Variants in ALPK2 observed in about 807,000 individuals in gnomAD.
The protein encoded by ALPK2 is alpha kinase 2.
In ALPK2, 127 loss-of-function variants were observed where a neutral mutation model predicts 163.1. That is an observed-to-expected ratio of 0.78 (90% CI 0.67 to 0.90). ALPK2 has a LOEUF of 0.90. Ranked by LOEUF, ALPK2 falls within the 40% of genes least tolerant of loss-of-function variation. ALPK2 has a pLI of 0.00. For missense variants in ALPK2, 2,360 were observed against 2,589.6 expected (o/e 0.91, Z 1.92); for synonymous variants, 953 against 959.1 (o/e 0.99, Z 0.12).
intron 10 of ALPK2, among the ~76,000 whole-genome samples, chr18:58,509,442 C>T (rs1332769870): frequency 6.6e-6 from 1 of 152,034 alleles, no homozygotes; most frequent in Non-Finnish European, 1.5e-5. Context: ...AGTTCTAGAT[C>T]CCTGAGGAAT....
At chr18:58,618,976 C>G (rs2052184555) in intron 1 of ALPK2, among the ~76,000 whole-genome samples, 1 of 152,210 alleles carries the variant, frequency 6.6e-6, no homozygotes. Context: ...TCAGCGGGGA[C>G]AGGAGGGATT....
chr18:58,534,991 C>A lies in ALPK2; in HGVS notation c.5196G>T (p.Leu1732Phe), dbSNP rs2051635580. 6.2e-7 allele frequency: 1 copy of A among 1,614,152 alleles called. No homozygotes were observed. Among genetic ancestry groups the A allele is most frequent in the Non-Finnish European group, 8.5e-7 (1 of 1,180,004 alleles). The part of the protein sequence containing the change: ...HLAEGVKKKI[L>F]SRVAALRLKL... ...TCAGCCTCAGTGCTGCCACCCTGGACAAAATTTTCTTCTTTACTCCCTCAG... is the reference window on the plus strand; with the variant it reads ...TCAGCCTCAGTGCTGCCACCCTGGAAAAAATTTTCTTCTTTACTCCCTCAG... Residue 1732 changes from leucine to phenylalanine, a missense_variant, in exon 5 of 13, where the codon TTG (leucine) becomes TTT (phenylalanine). Leu to Phe is a conservative substitution (Grantham distance 22, BLOSUM62 0). Transcript: ENST00000361673.
At chr18:58,512,105 T>A (rs1048829318) in intron 10 of ALPK2, 6 of 152,220 alleles carry the variant, frequency 3.9e-5, no homozygotes, top group African/African-American at 1.4e-4. Flanking sequence ...CTGTCGTGCT[T>A]TGTCACTTCT....
chr18:58,585,595 T>C (rs1002766916), intron 3 of ALPK2, among the ~76,000 whole-genome samples: 2 of 151,964 alleles, frequency 1.3e-5, no homozygotes, highest in African/African-American at 2.4e-5. Context: ...ATTTGATATA[T>C]ACGAAGATTA....
At chr18:58,486,908 T>A (rs1294219584) in intron 12 of ALPK2, among the ~76,000 whole-genome samples, 1 of 152,216 alleles carries the variant, frequency 6.6e-6, no homozygotes, top group Non-Finnish European at 1.5e-5. Context: ...CATCAAGCTC[T>A]CCTCTACCCA....
chr18:58,599,329 G>A (rs1354400733), intron 3 of ALPK2, among the ~76,000 whole-genome samples: 2 of 152,198 alleles, frequency 1.3e-5, no homozygotes, highest in East Asian at 3.8e-4. Flanking sequence ...TCATGGCCCT[G>A]ATGCGTGCCT....
Position 58,551,182 on chromosome 18 carries a change from C to A in ALPK2, c.1963-12958G>T, listed in dbSNP as rs115494614. On this transcript the variant is annotated intron_variant, in intron 4 of 12. Coordinates refer to ENST00000361673, the MANE Select transcript of ALPK2 (RefSeq NM_052947.4). ...CACTATTGGCAACTGTACCTGTTTC[C>A]TAGGGCTGCAAATGACCACAAACTG... is the stretch of plus-strand genomic sequence containing the variant. Among the ~76,000 whole-genome samples the A allele has an allele frequency of 2.9e-3, 441 of 152,096 alleles. 3 individuals carry two copies. Among genetic ancestry groups the A allele is most frequent in the African/African-American group, 0.01 (420 of 41,482 alleles).
In ALPK2 at chr18:58,579,974, T is replaced by G; in HGVS notation, c.802A>C (p.Lys268Gln). The G allele has an allele frequency of 1.2e-6, 2 of 1,614,204 alleles. No homozygotes were observed. The highest frequency in any genetic ancestry group is 1.7e-6 in the Non-Finnish European group (2 of 1,180,034). Residue 268 changes from lysine to glutamine, a missense_variant, in exon 4 of 13, where the codon AAA becomes CAA. Lys to Gln is a moderately conservative substitution (Grantham distance 53). Coordinates refer to ENST00000361673, the MANE Select transcript of ALPK2 (RefSeq NM_052947.4). ...AGCGGGAGGCTGAAGCTAATGTATTTCTGTACTTTGGGATTTTGCTGACTA... is the reference window on the plus strand; with the variant it reads ...AGCGGGAGGCTGAAGCTAATGTATTGCTGTACTTTGGGATTTTGCTGACTA... ...RSSQQNPKVQ[K>Q]YISFSLPLSE...
intron 8 of ALPK2, among the ~76,000 whole-genome samples, chr18:58,523,116 A>G (rs914454847): frequency 2.5e-5 from 3 of 119,338 alleles, no homozygotes; most frequent in Admixed American, 2.2e-4. Context: ...TCCTGTGTCC[A>G]TGTGTTCTCA....
intron 4 of ALPK2, among the ~76,000 whole-genome samples, chr18:58,556,113 C>A (rs7230331): frequency 2.0e-5 from 3 of 152,170 alleles, no homozygotes; most frequent in African/African-American, 7.2e-5. Context: ...TGAGCCACCA[C>A]GCCCAGCCTT....
chr18:58,588,416 T>A (rs971977129), intron 3 of ALPK2, among the ~76,000 whole-genome samples: 3 of 152,208 alleles, frequency 2.0e-5, no homozygotes, highest in Admixed American at 6.5e-5. Flanking sequence ...AATTTTTTTT[T>A]AATTTTTATT....
chr18:58,515,831 T>G (rs1019839531), intron 9 of ALPK2, among the ~76,000 whole-genome samples: 8 of 152,228 alleles, frequency 5.3e-5, no homozygotes, highest in African/African-American at 1.9e-4. Context: ...TTTAATTGTT[T>G]TAGATGTTTA....
intron 6 of ALPK2, among the ~76,000 whole-genome samples, chr18:58,525,967 GAA>G (rs10653750): frequency 4.2e-4 from 50 of 117,714 alleles, no homozygotes; most frequent in African/African-American, 1.4e-3. Flanking sequence ...TGATGAAAAA[GAA>G]AAAAAAAAAA....
intron 1 of ALPK2, among the ~76,000 whole-genome samples, chr18:58,623,554 C>A (rs1350826285): frequency 6.6e-6 from 1 of 152,232 alleles, no homozygotes. Flanking sequence ...CAACCCCTGC[C>A]TCCTGGGCTC....
chr18:58,485,721 G>A (rs924368333), intron 12 of ALPK2, among the ~76,000 whole-genome samples: 1 of 152,164 alleles, frequency 6.6e-6, no homozygotes, highest in East Asian at 1.9e-4. Flanking sequence ...ATGCCTGAGC[G>A]CTCTCTCCCT....
chr18:58,555,794 C>T (rs1381915968), intron 4 of ALPK2, among the ~76,000 whole-genome samples: 3 of 152,186 alleles, frequency 2.0e-5, no homozygotes, highest in Admixed American at 6.5e-5. Flanking sequence ...GCTACTTGTA[C>T]ATGGTTCTAA....
chr18:58,607,490 A>AG, intron 2 of ALPK2, 51 bp from the exon 3 acceptor site: 1 of 1,098,912 alleles, frequency 9.1e-7, no homozygotes, highest in South Asian at 1.6e-5. Context: ...ATTTTTAGGA[A>AG]AAAAAAAAAA....
chr18:58,519,863 G>A (rs997112180), intron 8 of ALPK2, among the ~76,000 whole-genome samples: 8 of 152,290 alleles, frequency 5.3e-5, no homozygotes, highest in Admixed American at 1.3e-4. Context: ...AAATGAGCGC[G>A]TCCTCTTGGT....
intron 3 of ALPK2, among the ~76,000 whole-genome samples, chr18:58,605,584 G>A (rs1243951288): frequency 6.6e-6 from 1 of 152,210 alleles, no homozygotes; most frequent in Non-Finnish European, 1.5e-5. Context: ...CACCAAAAGG[G>A]AGGCCTGTGC....
Sources: allele counts gnomAD v4.1 joint callset (sites outside exome capture counted in the v4.1 genomes callset), GRCh38; gene constraint gnomAD v4.1.1; transcripts MANE v1.5; gene names NCBI Gene and HGNC (gene_info 2026-07-23, HGNC 2026-07-21).